Variants in RBM26 observed in about 807,000 individuals in gnomAD.
RBM26 encodes RNA-binding protein 26.
In RBM26, 30 loss-of-function variants were observed where a neutral mutation model predicts 123.6. That is an observed-to-expected ratio of 0.24 (90% CI 0.18 to 0.33). The LOEUF (loss-of-function observed/expected upper bound fraction) is 0.33. RBM26 is among the 10% of genes least tolerant of loss of function. The probability of loss-of-function intolerance (pLI) is 1.00; values close to 1 mark genes in which losing one functional copy is unlikely to be tolerated. For missense variants in RBM26, 947 were observed against 1,203.6 expected (o/e 0.79, Z 3.15); for synonymous variants, 400 against 404.4 (o/e 0.99, Z 0.13).
chr13:79,364,148 A>AT (rs1453565323), intron 9 of RBM26, among the ~76,000 whole-genome samples: 3 of 152,208 alleles, frequency 2.0e-5, no homozygotes, highest in African/African-American at 7.2e-5. Context: ...ATTGTTGTTA[A>AT]TAATAGCTAT....
chr13:79,365,860 T>C, intron 8 of RBM26, 142 bp from the exon 9 acceptor site: 3 of 952,696 alleles, frequency 3.1e-6, no homozygotes, highest in Non-Finnish European at 4.6e-6. Flanking sequence ...AATAACTTTA[T>C]TTAAAAAAGT....
intron 1 of RBM26, among the ~76,000 whole-genome samples, chr13:79,404,207 A>T (rs773953725): frequency 3.3e-5 from 5 of 151,912 alleles, no homozygotes; most frequent in Non-Finnish European, 5.9e-5. Flanking sequence ...TCTCCCCTTA[A>T]CCTGTTCTCT....
chr13:79,338,002 G>A (rs372999464), intron 18 of RBM26, among the ~76,000 whole-genome samples: 6 of 152,168 alleles, frequency 3.9e-5, no homozygotes, highest in African/African-American at 1.4e-4. Flanking sequence ...CAGATCAACT[G>A]AGGCCAAAAG....
rs760018339 is a variant in RBM26, at chr13:79,354,432, G to C, written c.1986+7C>G. 6.4e-7 allele frequency: 1 copy of C among 1,560,238 alleles called. No homozygotes were observed. Among genetic ancestry groups the C allele is most frequent in the East Asian group, 2.3e-5 (1 of 44,042 alleles). ...TTACGGGCACAATCGTAAGACCTTT[G>C]CTTTACCTGAGGAAGGTCTGAAGAG... is the stretch of plus-strand genomic sequence containing the variant. On this transcript the variant is annotated splice_region_variant and intron_variant, in intron 13 of 21. Coordinates refer to ENST00000438737, the MANE Select transcript of RBM26 (RefSeq NM_001366735.2).
At chr13:79,375,119 A>G (rs1212708984) in intron 3 of RBM26, among the ~76,000 whole-genome samples, 1 of 141,418 alleles carries the variant, frequency 7.1e-6, no homozygotes, top group African/African-American at 2.6e-5. Flanking sequence ...ATAAATATAT[A>G]TTTATATTTT....
chr13:79,386,591 T>TAAAAAAAAA (rs398023598), intron 1 of RBM26, among the ~76,000 whole-genome samples: 2,715 of 92,582 alleles, frequency 0.029, 149 homozygotes, highest in East Asian at 0.047. Flanking sequence ...ACTCTCTCTT[T>TAAAAAAAAA]AAAAAAAAAA....
intron 1 of RBM26, among the ~76,000 whole-genome samples, chr13:79,392,562 AAT>A (rs961463870): frequency 2.2e-4 from 33 of 146,818 alleles, no homozygotes; most frequent in African/African-American, 4.2e-4. Flanking sequence ...TAATATGTAA[AAT>A]ATGTTATCCA....
At chr13:79,366,897 C>A in intron 6 of RBM26, 25 bp from the exon 7 acceptor site, 1 of 1,533,322 alleles carries the variant, frequency 6.5e-7, no homozygotes. Flanking sequence ...TAGTTAGAAA[C>A]AAATGTCAAA....
rs1407084812 is a variant in RBM26, at chr13:79,354,561, G to C, written c.1864C>G (p.Pro622Ala). ...GGCAAAATGGGCTGCTGGACTAAAG[G>C]CTGCATTACCTCAGAACAAGGAAAA... ...LQTTSPKVMQ[P>A]LVQQPILPVV... Residue 622 changes from proline (P) to alanine (A), a missense_variant, in exon 13 of 22, where the codon CCT (proline) becomes GCT (alanine). Physicochemically the swap from Pro to Ala is conservative, Grantham distance 27. Around this residue, in one of 5 missense-constraint regions of RBM26, gnomAD observed 493 missense variants for 563.1 expected, o/e 0.88. Transcript: ENST00000438737. 4 of 1,593,490 alleles carry C rather than the reference G, an allele frequency of 2.5e-6. No individual in the cohort carries two copies. The highest frequency in any genetic ancestry group is 3.4e-6 in the Non-Finnish European group (4 of 1,167,260).
intron 1 of RBM26, among the ~76,000 whole-genome samples, chr13:79,387,453 C>T (rs1465341258): frequency 1.3e-5 from 2 of 151,946 alleles, no homozygotes; most frequent in Admixed American, 1.3e-4. Flanking sequence ...CTGAACTGTA[C>T]TCCAAAAAAC....
intron 8 of RBM26, 79 bp downstream of exon 8, chr13:79,365,976 G>A: frequency 7.2e-7 from 1 of 1,381,466 alleles, no homozygotes; most frequent in South Asian, 1.3e-5. Flanking sequence ...TCCTCACAGA[G>A]CAATTCTCTC....
chr13:79,389,907 A>G (rs578066993), intron 1 of RBM26, among the ~76,000 whole-genome samples: 3 of 152,322 alleles, frequency 2.0e-5, no homozygotes, highest in Admixed American at 2.0e-4. Flanking sequence ...GAACCACTGG[A>G]AAGAATAGGA....
intron 1 of RBM26, among the ~76,000 whole-genome samples, chr13:79,405,293 T>C (rs1030014255): frequency 6.6e-6 from 1 of 152,194 alleles, no homozygotes; most frequent in African/African-American, 2.4e-5. Context: ...GAATTATATT[T>C]AGGTGAAACG....
In RBM26 at chr13:79,366,343, A is replaced by G. The variant is rs948270160; in HGVS notation, c.1136-148T>C. On this transcript the variant is annotated intron_variant, in intron 7 of 21. Transcript: ENST00000438737. The stretch of plus-strand genomic sequence containing the variant: ...AACTGAATTAGATATCCAGGGTAAA[A>G]TATCCTTTTAATACATTCCAAAGCA... 1.6e-4 allele frequency: 158 copies of G among 970,360 alleles called. 1 individual carries two copies. Among genetic ancestry groups the G allele is most frequent in the Non-Finnish European group, 2.1e-4 (138 of 669,308 alleles). 60.1% of individuals were successfully genotyped at this position (970,360 alleles called of 1,614,324 possible).
At chr13:79,362,432 C>T (rs1015040740) in intron 9 of RBM26, among the ~76,000 whole-genome samples, 1 of 152,146 alleles carries the variant, frequency 6.6e-6, no homozygotes, top group African/African-American at 2.4e-5. Context: ...CCTCTTACCT[C>T]CCTCTACATT....
chr13:79,320,939 A>G (rs1393434686), intron 21 of RBM26, among the ~76,000 whole-genome samples: 3 of 151,192 alleles, frequency 2.0e-5, no homozygotes, highest in African/African-American at 7.3e-5. Flanking sequence ...TATCAAATAA[A>G]GCCTTTGTAC....
At chr13:79,390,153 C>A (rs974439724) in intron 1 of RBM26, among the ~76,000 whole-genome samples, 2 of 152,036 alleles carry the variant, frequency 1.3e-5, no homozygotes, top group Admixed American at 6.6e-5. Context: ...TTTATTAGAA[C>A]CATCATGTAC....
At chr13:79,359,991 C>T (rs146503071) in intron 9 of RBM26, among the ~76,000 whole-genome samples, 4 of 152,072 alleles carry the variant, frequency 2.6e-5, no homozygotes, top group African/African-American at 9.6e-5. Context: ...AAATCTCACA[C>T]CATCCTGCTC....
chr13:79,378,149 T>C (rs1411960536), intron 2 of RBM26, among the ~76,000 whole-genome samples: 1 of 152,158 alleles, frequency 6.6e-6, no homozygotes, highest in Non-Finnish European at 1.5e-5. Flanking sequence ...ATAATCTAGA[T>C]GTGGCAAGGT....
Sources: gnomAD v4.1 joint callset for allele counts (sites outside exome capture counted in the v4.1 genomes callset) on GRCh38, gnomAD v4.1.1 for gene constraint, gnomAD v4.1.1 regional missense constraint, MANE v1.5 for transcripts, NCBI Gene and HGNC (gene_info 2026-07-23, HGNC 2026-07-21) for gene names.